The following PRKAG2 variants were observed in gnomAD, a reference collection of about 807,000 sequenced individuals.
PRKAG2 encodes the protein 5'-AMP-activated protein kinase subunit gamma-2.
In PRKAG2, 26 loss-of-function variants were observed where a neutral mutation model predicts 69.6. The observed-to-expected ratio is 0.37, with a 90% confidence interval of 0.27 to 0.52. The LOEUF is 0.52. Ranked by LOEUF, PRKAG2 falls within the 20% of genes least tolerant of loss-of-function variation. PRKAG2 has a pLI of 0.90. For synonymous variants in PRKAG2, 293 were observed against 285.0 expected (o/e 1.03, Z -0.28); for missense variants, 557 against 740.0 (o/e 0.75, Z 2.87).
At chr7:151,736,479 C>A in intron 3 of PRKAG2, 2 of 861,364 alleles carry the variant, frequency 2.3e-6, no homozygotes, top group South Asian at 1.1e-4. Flanking sequence ...TGCAGCCGTG[C>A]ATGATGTCTC....
At chr7:151,859,339 T>C (rs1045463509) in intron 1 of PRKAG2, among the ~76,000 whole-genome samples, 1 of 152,162 alleles carries the variant, frequency 6.6e-6, no homozygotes, top group Non-Finnish European at 1.5e-5. Flanking sequence ...GGCAACACCT[T>C]CCCACCATCT....
intron 15 of PRKAG2, chr7:151,557,616 T>C (rs1402812750): frequency 2.1e-6 from 2 of 959,750 alleles, no homozygotes; most frequent in East Asian, 1.2e-4. Flanking sequence ...ACATCTGTAA[T>C]CCCAGCACTT....
intron 3 of PRKAG2, among the ~76,000 whole-genome samples, chr7:151,723,711 C>G (rs528625551): frequency 2.6e-5 from 4 of 152,296 alleles, no homozygotes; most frequent in Admixed American, 1.3e-4. Flanking sequence ...TTCAAGGGCG[C>G]TGGGCTCCCT....
chr7:151,686,519 C>T (rs191332139), intron 3 of PRKAG2, among the ~76,000 whole-genome samples: 2 of 152,300 alleles, frequency 1.3e-5, no homozygotes, highest in Admixed American at 6.5e-5. Context: ...GCCTCGTCCC[C>T]GGGTACCAGG....
chr7:151,671,204 G>T, intron 4 of PRKAG2, among the ~76,000 whole-genome samples: 1 of 145,486 alleles, frequency 6.9e-6, no homozygotes, highest in African/African-American at 2.5e-5. Flanking sequence ...AAAAAGGAGT[G>T]CTGTCTTCTA....
chr7:151,590,956 T>C lies in PRKAG2; in HGVS notation c.864+4389A>G, dbSNP rs77836173. Among the ~76,000 whole-genome samples, 1,213 of 152,308 alleles carry C rather than the reference T, an allele frequency of 8.0e-3. 17 individuals are homozygous for C. Among genetic ancestry groups the C allele is most frequent in the African/African-American group, 0.027 (1,118 of 41,544 alleles). ...GTGCAGGGCACTGCTGAGTCCGTGTTTAATGAGGCTGAGATGCCAGGCTTC... is the reference window on the plus strand; with the variant it reads ...GTGCAGGGCACTGCTGAGTCCGTGTCTAATGAGGCTGAGATGCCAGGCTTC... On this transcript the variant is annotated intron_variant, in intron 6 of 15. Coordinates refer to ENST00000287878, the MANE Select transcript of PRKAG2 (RefSeq NM_016203.4).
intron 6 of PRKAG2, among the ~76,000 whole-genome samples, chr7:151,584,811 C>A (rs1036002925): frequency 6.6e-6 from 1 of 152,186 alleles, no homozygotes; most frequent in Non-Finnish European, 1.5e-5. Flanking sequence ...GCAGGAGGAT[C>A]GCTTGAGCCC....
At chr7:151,797,840 G>A (rs990052142) in intron 1 of PRKAG2, among the ~76,000 whole-genome samples, 1 of 152,128 alleles carries the variant, frequency 6.6e-6, no homozygotes, top group South Asian at 2.1e-4. Flanking sequence ...ATCTGGCCAC[G>A]GCTCTTCACA....
At chr7:151,803,463 C>G (rs1251215654) in intron 1 of PRKAG2, among the ~76,000 whole-genome samples, 2 of 152,096 alleles carry the variant, frequency 1.3e-5, no homozygotes, top group African/African-American at 4.8e-5. Flanking sequence ...TCCTTCCTAC[C>G]TCGAGTGTCC....
At chr7:151,652,398 G>A (rs893561585) in intron 4 of PRKAG2, among the ~76,000 whole-genome samples, 22 of 152,164 alleles carry the variant, frequency 1.4e-4, no homozygotes, top group Non-Finnish European at 4.4e-5. Context: ...TTGCAGCAAT[G>A]TAAAAGGAGT....
rs564170637 is a variant in PRKAG2, at chr7:151,725,864, C to A, written c.467-50227G>T. ...GCTATGTCACTGCACCTCGAAATCC[C>A]GGTGGCTGAGCAGGTTGGGCCCTCC... On this transcript the variant is annotated intron_variant, in intron 3 of 15. Coordinates refer to ENST00000287878, the MANE Select transcript of PRKAG2 (RefSeq NM_016203.4). 5.9e-5 allele frequency among the ~76,000 whole-genome samples: 9 copies of A among 152,248 alleles called. No individual in the cohort carries two copies. The East Asian group carries it at 1.5e-3, about 26-fold the overall frequency.
At chr7:151,869,366 G>A (rs1382592567) in intron 1 of PRKAG2, among the ~76,000 whole-genome samples, 3 of 152,194 alleles carry the variant, frequency 2.0e-5, no homozygotes, top group Non-Finnish European at 2.9e-5. Context: ...GACCAAGCGC[G>A]AATAGGGCAG....
intron 5 of PRKAG2, among the ~76,000 whole-genome samples, chr7:151,612,416 C>A (rs1426707972): frequency 6.6e-6 from 1 of 152,160 alleles, no homozygotes; most frequent in Non-Finnish European, 1.5e-5. Context: ...CAGAGACCTG[C>A]AGTGTGCCTC....
At chr7:151,840,035 C>T (rs566474479) in intron 1 of PRKAG2, among the ~76,000 whole-genome samples, 1 of 152,318 alleles carries the variant, frequency 6.6e-6, no homozygotes, top group Non-Finnish European at 1.5e-5. Flanking sequence ...TGAATTTGGA[C>T]ACTGAAAGAG....
intron 4 of PRKAG2, among the ~76,000 whole-genome samples, chr7:151,657,382 A>C (rs1460183052): frequency 6.6e-6 from 1 of 152,096 alleles, no homozygotes; most frequent in Non-Finnish European, 1.5e-5. Flanking sequence ...TCAGTCTCTA[A>C]GCCTCGTGCC....
chr7:151,665,588 T>C (rs985856257), intron 4 of PRKAG2, among the ~76,000 whole-genome samples: 1 of 152,224 alleles, frequency 6.6e-6, no homozygotes, highest in Non-Finnish European at 1.5e-5. Context: ...GCTCTCGTGA[T>C]AACCAATCCC....
At chr7:151,707,581 G>A (rs2536080) in intron 3 of PRKAG2, among the ~76,000 whole-genome samples, 43,212 of 151,872 alleles carry the variant, frequency 0.28, 7,233 homozygotes, top group East Asian at 0.74. Context: ...CCCATCACCC[G>A]CTCTCCTCTC....
chr7:151,838,243 C>T (rs1345588918), intron 1 of PRKAG2, among the ~76,000 whole-genome samples: 2 of 152,166 alleles, frequency 1.3e-5, no homozygotes, highest in Non-Finnish European at 2.9e-5. Context: ...CAGCTGGGGT[C>T]AGCGGGGCTG....
chr7:151,638,452 G>A lies in PRKAG2; in HGVS notation c.685-6314C>T, dbSNP rs1165155683. Among the ~76,000 whole-genome samples, 1 of 152,148 alleles carries A rather than the reference G, an allele frequency of 6.6e-6. No individual in the cohort carries two copies. Among genetic ancestry groups the A allele is most frequent in the African/African-American group, 2.4e-5 (1 of 41,428 alleles). Reference sequence around the variant, plus strand: ...GATCGAGACCATCCTGGCCAACATGGTGAAAACCCCGTCTCTACTAAAAAT... The same window carrying A: ...GATCGAGACCATCCTGGCCAACATGATGAAAACCCCGTCTCTACTAAAAAT... On this transcript the variant is annotated intron_variant, in intron 4 of 15. Coordinates refer to ENST00000287878, the MANE Select transcript of PRKAG2 (RefSeq NM_016203.4). This position sits in a 1 kb window ranked among gnomAD's most constrained non-coding sequence, Gnocchi z 4.3.
Sources: gnomAD v4.1 joint callset for allele counts (sites outside exome capture counted in the v4.1 genomes callset) on GRCh38, gnomAD v4.1.1 for gene constraint, Gnocchi (gnomAD v3.1) non-coding constraint, MANE v1.5 for transcripts, NCBI Gene and HGNC (gene_info 2026-07-23, HGNC 2026-07-21) for gene names.